TAFA1: variants seen among roughly 807,000 people sequenced by gnomAD.
TAFA1 encodes the protein TAFA chemokine like family member 1, also known as chemokine-like protein TAFA-1.
TAFA1 carries 4 observed loss-of-function variants against 18.5 expected under a neutral mutation model. That is an observed-to-expected ratio of 0.22 (90% CI 0.11 to 0.49). The LOEUF (loss-of-function observed/expected upper bound fraction) is 0.49. TAFA1 is among the 20% of genes least tolerant of loss of function. The pLI is 0.98. For synonymous variants in TAFA1, 56 were observed against 55.2 expected (o/e 1.01, Z -0.06); for missense variants, 147 against 169.0 (o/e 0.87, Z 0.72).
chr3:68,529,507 T>C (rs918345635), intron 3 of TAFA1, among the ~76,000 whole-genome samples: 13 of 149,006 alleles, frequency 8.7e-5, no homozygotes, highest in Admixed American at 6.7e-4. Flanking sequence ...CATAGTCTTA[T>C]TAAGCCTTTG....
At chr3:68,387,372 C>G (rs1197795874) in intron 2 of TAFA1, among the ~76,000 whole-genome samples, 1 of 152,104 alleles carries the variant, frequency 6.6e-6, no homozygotes, top group Non-Finnish European at 1.5e-5. Context: ...ACATAAGCCT[C>G]TCCTTAAGGT....
chr3:68,524,655 TTTTTTGTTTTTG>T (rs894121760), intron 3 of TAFA1, among the ~76,000 whole-genome samples: 2 of 150,576 alleles, frequency 1.3e-5, no homozygotes, highest in African/African-American at 2.4e-5. Flanking sequence ...TTCTAGGTTG[TTTTTTGTTTTTG>T]TTTTTGTTTT....
intron 2 of TAFA1, among the ~76,000 whole-genome samples, chr3:68,351,809 C>T (rs2069275679): frequency 6.6e-6 from 1 of 151,890 alleles, no homozygotes; most frequent in South Asian, 2.1e-4. Context: ...ACTTTGTTCT[C>T]CCCAGCAGAG....
chr3:68,528,694 A>T (rs1027177983), intron 3 of TAFA1, among the ~76,000 whole-genome samples: 2 of 152,176 alleles, frequency 1.3e-5, no homozygotes, highest in African/African-American at 4.8e-5. Flanking sequence ...ATTTGTCTTG[A>T]TTGAGGTACT....
intron 3 of TAFA1, among the ~76,000 whole-genome samples, chr3:68,504,717 A>G (rs1044542710): frequency 1.3e-5 from 2 of 152,050 alleles, no homozygotes; most frequent in Non-Finnish European, 2.9e-5. Context: ...TTAACAGTTA[A>G]GCTAATGAGC....
chr3:68,092,012 T>C (rs1203588045), intron 2 of TAFA1, among the ~76,000 whole-genome samples: 2 of 152,056 alleles, frequency 1.3e-5, no homozygotes, highest in Non-Finnish European at 2.9e-5. Context: ...CTAGACAACA[T>C]CCAGTTCAAA....
chr3:68,273,582 A>G (rs1165830214), intron 2 of TAFA1, among the ~76,000 whole-genome samples: 1 of 152,166 alleles, frequency 6.6e-6, no homozygotes, highest in African/African-American at 2.4e-5. Flanking sequence ...CTGAAGGCAG[A>G]TGGATGCCCA....
chr3:68,300,409 AT>A (rs1263807342), intron 2 of TAFA1, among the ~76,000 whole-genome samples: 1 of 152,118 alleles, frequency 6.6e-6, no homozygotes, highest in African/African-American at 2.4e-5. Context: ...GAAAAAGAAC[AT>A]TTACCCAATG....
chr3:68,087,829 G>A (rs910850518), intron 2 of TAFA1, among the ~76,000 whole-genome samples: 3 of 151,674 alleles, frequency 2.0e-5, no homozygotes, highest in African/African-American at 7.3e-5. Flanking sequence ...TTATATATAC[G>A]ATCTCTTACT....
intron 2 of TAFA1, among the ~76,000 whole-genome samples, chr3:68,315,130 C>G (rs1407865828): frequency 6.6e-6 from 1 of 152,094 alleles, no homozygotes; most frequent in Non-Finnish European, 1.5e-5. Flanking sequence ...GTTAGCTCTT[C>G]TCTTCCTGGA....
intron 2 of TAFA1, among the ~76,000 whole-genome samples, chr3:68,200,443 C>T (rs759498413): frequency 9.9e-5 from 15 of 151,652 alleles, no homozygotes; most frequent in Middle Eastern, 6.8e-3. Context: ...TAGAATTCAC[C>T]GGTGAACCCA....
At chr3:68,052,340 A>G (rs1480379283) in intron 2 of TAFA1, among the ~76,000 whole-genome samples, 1 of 151,802 alleles carries the variant, frequency 6.6e-6, no homozygotes, top group East Asian at 1.9e-4. Flanking sequence ...TCTCAATGGC[A>G]CTCTTTTTTG....
intron 2 of TAFA1, among the ~76,000 whole-genome samples, chr3:68,083,626 G>A (rs1188479909): frequency 6.6e-6 from 1 of 152,176 alleles, no homozygotes; most frequent in African/African-American, 2.4e-5. Context: ...CACTATTGTG[G>A]CTCATGGGAA....
chr3:68,136,505 T>A (rs1311151921), intron 2 of TAFA1, among the ~76,000 whole-genome samples: 1 of 152,218 alleles, frequency 6.6e-6, no homozygotes, highest in Non-Finnish European at 1.5e-5. Flanking sequence ...GCAGCCTTTC[T>A]GCTGACAAGT....
At chr3:68,388,291 A>T (rs924626830) in intron 2 of TAFA1, among the ~76,000 whole-genome samples, 8 of 152,164 alleles carry the variant, frequency 5.3e-5, no homozygotes, top group Non-Finnish European at 1.0e-4. Context: ...TAAAGAAAAA[A>T]GATTGCATTC....
chr3:68,454,260 CT>C (rs1249056719), intron 3 of TAFA1, among the ~76,000 whole-genome samples: 1 of 152,062 alleles, frequency 6.6e-6, no homozygotes, highest in Non-Finnish European at 1.5e-5. Flanking sequence ...TCTTTGAATT[CT>C]TCTTCCTTTC....
chr3:68,179,714 G>A (rs948433232), intron 2 of TAFA1, among the ~76,000 whole-genome samples: 14 of 152,064 alleles, frequency 9.2e-5, no homozygotes, highest in Admixed American at 6.5e-5. Flanking sequence ...ACCGCACAAT[G>A]CTAGAATTTT....
intron 2 of TAFA1, among the ~76,000 whole-genome samples, chr3:68,021,281 C>A (rs890662057): frequency 6.8e-6 from 1 of 148,068 alleles, no homozygotes; most frequent in Non-Finnish European, 1.5e-5. Flanking sequence ...AATGAAGATA[C>A]CTGACCAATA....
chr3:68,262,000 A>C (rs2067435054), intron 2 of TAFA1, among the ~76,000 whole-genome samples: 1 of 151,722 alleles, frequency 6.6e-6, no homozygotes, highest in African/African-American at 2.4e-5. Context: ...AATTTATATC[A>C]CCTACCTGCT....
Sources: gnomAD v4.1 joint callset for allele counts (sites outside exome capture counted in the v4.1 genomes callset) on GRCh38, gnomAD v4.1.1 for gene constraint, MANE v1.5 for transcripts, NCBI Gene and HGNC (gene_info 2026-07-23, HGNC 2026-07-21) for gene names.